TLK1: variants seen among roughly 807,000 people sequenced by gnomAD.
The protein encoded by TLK1 is serine/threonine-protein kinase tousled-like 1.
TLK1 carries 24 observed loss-of-function variants against 105.3 expected under a neutral mutation model. That is an observed-to-expected ratio of 0.23 (90% CI 0.17 to 0.32). The LOEUF is 0.32. TLK1 is among the 10% of genes least tolerant of loss of function. TLK1 has a pLI of 1.00. For missense variants in TLK1, 558 were observed against 910.5 expected (o/e 0.61, Z 4.98); for synonymous variants, 321 against 310.4 (o/e 1.03, Z -0.36).
intron 11 of TLK1, among the ~76,000 whole-genome samples, chr2:171,044,313 A>G (rs1230241882): frequency 6.6e-6 from 1 of 152,240 alleles, no homozygotes; most frequent in Non-Finnish European, 1.5e-5. Context: ...GTTAAAGGTG[A>G]CAACTAGAAT....
At chr2:171,113,072 T>C (rs538015801) in intron 2 of TLK1, among the ~76,000 whole-genome samples, 15 of 152,136 alleles carry the variant, frequency 9.9e-5, no homozygotes, top group South Asian at 2.1e-4. Context: ...TATGAAGGAC[T>C]AAAGATCCAT....
intron 3 of TLK1, among the ~76,000 whole-genome samples, chr2:171,082,091 A>C (rs1309383189): frequency 6.6e-6 from 1 of 151,984 alleles, no homozygotes; most frequent in Non-Finnish European, 1.5e-5. Flanking sequence ...AGGAGAGAAA[A>C]GGCTATACCC....
intron 2 of TLK1, among the ~76,000 whole-genome samples, chr2:171,113,437 A>AT (rs1690269781): frequency 6.6e-6 from 1 of 151,780 alleles, no homozygotes. Context: ...TGCCCAGCTA[A>AT]TTTTTTGTAT....
At chr2:171,130,191 C>T (rs912165523) in intron 1 of TLK1, among the ~76,000 whole-genome samples, 11 of 152,144 alleles carry the variant, frequency 7.2e-5, no homozygotes, top group Non-Finnish European at 1.5e-4. Context: ...ATCACAAGGT[C>T]AGGGGTTCAA....
chr2:171,036,772 T>C (rs543505293), intron 11 of TLK1, among the ~76,000 whole-genome samples: 15 of 152,332 alleles, frequency 9.8e-5, no homozygotes, highest in Admixed American at 4.6e-4. Context: ...TTGATGAGAA[T>C]TGAACTTTGA....
intron 12 of TLK1, among the ~76,000 whole-genome samples, chr2:171,021,282 A>C (rs1330807669): frequency 6.6e-6 from 1 of 152,174 alleles, no homozygotes; most frequent in Non-Finnish European, 1.5e-5. Context: ...TTGTCTTAAA[A>C]ATATTTACAG....
rs549515219 is a variant in TLK1 at position 171,060,052 on chromosome 2, GA to G, written c.406+1028del. ...TCAAGTTTACTCCAAAGGAAGGGGG[GA>G]AAAAACACTGAAAGCCAGACTAAAG... On this transcript the variant is annotated intron_variant, in intron 4 of 20. Transcript: ENST00000431350. The G allele has an allele frequency of 6.0e-4, 962 of 1,594,848 alleles. 8 individuals are homozygous for G. In the East Asian group the frequency reaches 0.013, roughly 22 times the overall value.
chr2:171,069,445 A>T (rs1319187639), intron 3 of TLK1, among the ~76,000 whole-genome samples: 1 of 152,170 alleles, frequency 6.6e-6, no homozygotes, highest in Non-Finnish European at 1.5e-5. Context: ...CTCAACCAGG[A>T]GAGATGGTAT....
At chr2:171,131,833 CTT>C (rs886751935) in intron 1 of TLK1, among the ~76,000 whole-genome samples, 1 of 148,030 alleles carries the variant, frequency 6.8e-6, no homozygotes, top group Non-Finnish European at 1.5e-5. Flanking sequence ...TTTCCACATA[CTT>C]TTTTTTTTTC....
At chr2:171,017,853 A>G (rs1195904271) in intron 12 of TLK1, among the ~76,000 whole-genome samples, 1 of 152,214 alleles carries the variant, frequency 6.6e-6, no homozygotes, top group Non-Finnish European at 1.5e-5. Context: ...CTATGTCTTA[A>G]ATAGATAGAT....
intron 1 of TLK1, among the ~76,000 whole-genome samples, chr2:171,127,441 G>A (rs745566512): frequency 8.6e-5 from 13 of 151,830 alleles, no homozygotes; most frequent in Non-Finnish European, 1.5e-4. Context: ...TATAACTTTT[G>A]TTGGCTATAC....
At chr2:171,123,057 T>TACACAC (rs71008752) in intron 1 of TLK1, among the ~76,000 whole-genome samples, 19,671 of 141,102 alleles carry the variant, frequency 0.14, 1,369 homozygotes, top group Middle Eastern at 0.24. Flanking sequence ...AATAAATAAA[T>TACACAC]ACACACACAC....
chr2:171,023,031 A>C (rs1365710775), intron 12 of TLK1: 1 of 470,732 alleles, frequency 2.1e-6, no homozygotes, highest in African/African-American at 2.0e-5. Flanking sequence ...ATTAATACTG[A>C]TGCTGCTGCT....
intron 3 of TLK1, among the ~76,000 whole-genome samples, chr2:171,080,071 C>T (rs1234115426): frequency 3.3e-5 from 5 of 151,516 alleles, no homozygotes; most frequent in African/African-American, 9.7e-5. Flanking sequence ...GTGGCTTACG[C>T]CTATAATCCC....
intron 1 of TLK1, among the ~76,000 whole-genome samples, chr2:171,198,485 G>A (rs1490314863): frequency 2.6e-5 from 4 of 152,114 alleles, no homozygotes; most frequent in Non-Finnish European, 2.9e-5. Flanking sequence ...AAAACTGCAA[G>A]GAAAAAAATC....
At chr2:171,217,369 T>G (rs1693734444) in intron 1 of TLK1, among the ~76,000 whole-genome samples, 1 of 152,212 alleles carries the variant, frequency 6.6e-6, no homozygotes, top group African/African-American at 2.4e-5. Flanking sequence ...TTACTGAAGT[T>G]TCTTCCAGCA....
At chr2:171,224,857 T>C (rs1693870507) in intron 1 of TLK1, among the ~76,000 whole-genome samples, 1 of 152,192 alleles carries the variant, frequency 6.6e-6, no homozygotes, top group African/African-American at 2.4e-5. Context: ...GATAGACATA[T>C]GTGTATATCA....
intron 2 of TLK1, among the ~76,000 whole-genome samples, chr2:171,110,332 G>A (rs1690107859): frequency 1.3e-5 from 2 of 152,190 alleles, no homozygotes. Context: ...AGCTGGGCAT[G>A]GTGGCACATG....
At chr2:171,139,608 A>G (rs1048784632) in intron 1 of TLK1, among the ~76,000 whole-genome samples, 2 of 151,966 alleles carry the variant, frequency 1.3e-5, no homozygotes, top group African/African-American at 4.8e-5. Flanking sequence ...ACAAACAAAC[A>G]AACAACAACA....
Sources: gnomAD v4.1 joint callset for allele counts (sites outside exome capture counted in the v4.1 genomes callset) on GRCh38, gnomAD v4.1.1 for gene constraint, MANE v1.5 for transcripts, NCBI Gene and HGNC (gene_info 2026-07-23, HGNC 2026-07-21) for gene names.